Variants in ZNF541 observed in about 807,000 individuals in gnomAD.
The protein encoded by ZNF541 is zinc finger protein 541.
A neutral mutation model predicts 123.5 loss-of-function variants in ZNF541; 23 were observed. The observed-to-expected ratio is 0.19, with a 90% CI of 0.13 to 0.26. The LOEUF is 0.26. Ranked by LOEUF, ZNF541 falls within the 10% of genes least tolerant of loss-of-function variation. The pLI is 1.00. For missense variants in ZNF541, 1,612 were observed against 1,789.9 expected, an observed-to-expected ratio of 0.90 and a Z score of 1.79; for synonymous variants, 751 against 754.5, an observed-to-expected ratio of 1.00 and a Z score of 0.08.
rs536342140 is a variant in ZNF541, at chr19:47,529,182, C to T, written c.3482-144G>A. On this transcript the variant is annotated intron_variant, in intron 13 of 16. Coordinates refer to ENST00000391901, the MANE Select transcript of ZNF541 (RefSeq NM_001277075.3). ...ATCTCATAAAAAACTCAAAAAGTCT[C>T]CAGAAGGGAGGGACCACTACTAGCC... 41 of 661,992 alleles carry T rather than the reference C, an allele frequency of 6.2e-5. No homozygotes were observed. The East Asian group carries it at 1.1e-3, about 18-fold the overall frequency. 41.0% of individuals were successfully genotyped at this position (661,992 alleles called of 1,614,324 possible).
At chr19:47,529,415 G>A (rs1342981688) in intron 13 of ZNF541, among the ~76,000 whole-genome samples, 162 bp downstream of exon 13, 2 of 152,206 alleles carry the variant, frequency 1.3e-5, no homozygotes, top group East Asian at 1.9e-4. Flanking sequence ...CTAGCAGAAT[G>A]TGGCGCCCAC....
Position 47,539,711 on chromosome 19 carries a change from CATGCTCCCT to C in ZNF541, c.2781_2789del (p.Ile927_Ser929del). 1 of 1,418,968 alleles carries C rather than the reference CATGCTCCCT, an allele frequency of 7.0e-7. No individual in the cohort carries two copies. The highest frequency in any genetic ancestry group is 9.2e-7 in the Non-Finnish European group (1 of 1,089,078). The allele number at this position is 1,418,968 out of a possible 1,614,324, so 87.9% of individuals were successfully genotyped here. On this transcript the variant is annotated inframe_deletion, in exon 8 of 17. Coordinates refer to ENST00000391901, the MANE Select transcript of ZNF541 (RefSeq NM_001277075.3). ...CAGGCCGACAAGCACCCACCATGGCCATGCTCCCTATGTGTCGGGTCACTGGAACCACGG... is the reference window on the plus strand; with the variant it reads ...CAGGCCGACAAGCACCCACCATGGCCATGTGTCGGGTCACTGGAACCACGG...
chr19:47,540,269 G>A lies in ZNF541; in HGVS notation c.2529C>T (p.Cys843=). The A allele has an allele frequency of 6.4e-7, 1 of 1,551,932 alleles. No homozygotes were observed. The highest frequency in any genetic ancestry group is 8.7e-7 in the Non-Finnish European group (1 of 1,147,058). The change falls in exon 7 of 17, where the codon TGC becomes TGT. Residue 843 remains cysteine, a synonymous_variant. Transcript: ENST00000391901. Reference sequence around the variant, plus strand: ...CTTTCTCCGTATAAAACATCTGGCTGCAGTTCTTGCAGACAAAAGTGCTCC... The same window carrying A: ...CTTTCTCCGTATAAAACATCTGGCTACAGTTCTTGCAGACAAAAGTGCTCC... The part of the protein sequence containing the change: ...KPRSTFVCKN[C]SQMFYTEKGL...
intron 14 of ZNF541, among the ~76,000 whole-genome samples, chr19:47,527,387 G>C (rs561840247): frequency 7.9e-5 from 12 of 152,042 alleles, no homozygotes; most frequent in Non-Finnish European, 1.6e-4. Flanking sequence ...TATGCAGTGA[G>C]ATCTCATCCT....
chr19:47,545,117 G>C lies in ZNF541; in HGVS notation c.1412C>G (p.Ala471Gly), dbSNP rs1018408748. 3 of 1,483,088 alleles carry C rather than the reference G, an allele frequency of 2.0e-6. No homozygotes were observed. The highest frequency in any genetic ancestry group is 2.7e-6 in the Non-Finnish European group (3 of 1,119,016). The allele number at this position is 1,483,088 out of a possible 1,614,324, so 91.9% of individuals were successfully genotyped here. A position where few individuals can be genotyped will look rare whatever the true frequency, so the allele number is the denominator to read the frequency against. The change falls in exon 5 of 17, where the codon GCT becomes GGT. Residue 471 changes from alanine to glycine, a missense_variant. Around this residue, in one of 5 missense-constraint regions of ZNF541, gnomAD observed 1,080 missense variants for 1,013.8 expected, o/e 1.07. Coordinates refer to ENST00000391901, the MANE Select transcript of ZNF541 (RefSeq NM_001277075.3). This position sits in a 1 kb window ranked among gnomAD's most constrained non-coding sequence, Gnocchi z 7.5. The part of the protein sequence containing the change: ...PPGPGGGLED[A>G]LPFPAALLRV... Reference sequence around the variant, plus strand: ...GAGGAGCGCGGCAGGGAAGGGCAGAGCATCCTCCAGGCCACCGCCGGGGCC... The same window carrying C: ...GAGGAGCGCGGCAGGGAAGGGCAGACCATCCTCCAGGCCACCGCCGGGGCC...
chr19:47,570,106 G>A (rs1053069557), intron 2 of ZNF541, among the ~76,000 whole-genome samples: 13 of 150,352 alleles, frequency 8.6e-5, no homozygotes, highest in African/African-American at 2.7e-4. Context: ...AATCCTGTCT[G>A]TACTAAAAAT....
At position 47,544,547 on chromosome 19, in the gene ZNF541, G is replaced by A. The variant is rs1600008710; in HGVS notation, c.1982C>T (p.Ala661Val). Residue 661 changes from alanine (A) to valine (V), a missense_variant, in exon 5 of 17, where the codon GCA becomes GTA. Physicochemically the swap from Ala to Val is moderately conservative, Grantham distance 64. Coordinates refer to ENST00000391901, the MANE Select transcript of ZNF541 (RefSeq NM_001277075.3). ...LKVAAVPTPL[A>V]APSLDPSRNP... is the part of the protein sequence containing the mutation. ...CCTGGAAGGGTCCAGAGACGGTGCTGCAAGGGGCGTTGGAACCGCGGCCAC... is the reference window on the plus strand; with the variant it reads ...CCTGGAAGGGTCCAGAGACGGTGCTACAAGGGGCGTTGGAACCGCGGCCAC... 1 of 1,551,664 alleles carries A rather than the reference G, an allele frequency of 6.4e-7. No individual in the cohort carries two copies. The highest frequency in any genetic ancestry group is 1.7e-4 in the Middle Eastern group (1 of 5,992).
chr19:47,522,303 A>G (rs1969073735), intron 14 of ZNF541, among the ~76,000 whole-genome samples: 1 of 152,194 alleles, frequency 6.6e-6, no homozygotes, highest in South Asian at 2.1e-4. Flanking sequence ...CTGTGACATC[A>G]TGCTAATAAA....
intron 14 of ZNF541, among the ~76,000 whole-genome samples, chr19:47,524,251 G>A (rs1256733160): frequency 6.6e-5 from 10 of 152,330 alleles, no homozygotes; most frequent in Middle Eastern, 3.4e-3. Flanking sequence ...CACAATGCCC[G>A]TGATCTGGTG....
chr19:47,544,116 G>C lies in ZNF541; in HGVS notation c.2403+10C>G. 1 of 1,539,530 alleles carries C rather than the reference G, an allele frequency of 6.5e-7. No individual in the cohort carries two copies. Among genetic ancestry groups the C allele is most frequent in the Non-Finnish European group, 8.8e-7 (1 of 1,139,426 alleles). On this transcript the variant is annotated intron_variant, in intron 5 of 16. Transcript: ENST00000391901. The stretch of plus-strand genomic sequence containing the variant: ...CACTCTGGTCAGGCCACGTGAGAGA[G>C]AGCTGGTACCTGGATTCTGCTGAAT...
At chr19:47,529,166 A>G (rs908224888) in intron 13 of ZNF541, 128 bp from the exon 14 acceptor site, 68 of 710,528 alleles carry the variant, frequency 9.6e-5, no homozygotes, top group Non-Finnish European at 1.5e-4. Context: ...AATCTCATAA[A>G]AAACTCAAAA....
chr19:47,522,913 A>C (rs1030783270), intron 14 of ZNF541, among the ~76,000 whole-genome samples: 1 of 148,982 alleles, frequency 6.7e-6, no homozygotes, highest in Admixed American at 6.7e-5. Context: ...TGCCCACCTA[A>C]TTTTTGTATC....
chr19:47,548,368 G>A (rs1970449078), intron 4 of ZNF541, among the ~76,000 whole-genome samples: 1 of 149,902 alleles, frequency 6.7e-6, no homozygotes, highest in African/African-American at 2.5e-5. Context: ...GCTTGAACCT[G>A]GGAGGTGAAG....
chr19:47,570,904 C>T (rs1441620568), intron 2 of ZNF541, among the ~76,000 whole-genome samples: 2 of 148,658 alleles, frequency 1.3e-5, no homozygotes, highest in East Asian at 4.1e-4. Context: ...GCCGAGATCG[C>T]ACCACTGCAC....
Position 47,545,831 on chromosome 19 carries a change from T to G in ZNF541, c.698A>C (p.Glu233Ala), listed in dbSNP as rs1192911410. 6 of 1,548,274 alleles carry G rather than the reference T, an allele frequency of 3.9e-6. No individual in the cohort carries two copies. The highest frequency in any genetic ancestry group is 5.2e-6 in the Non-Finnish European group (6 of 1,146,054). ...LCILKEAPPE[E>A]EACGDSPHAH... The stretch of plus-strand genomic sequence containing the variant: ...GTGGGGGGAGTCCCCGCAGGCCTCT[T>G]CCTCCGGGGGGGCTTCCTTCAGGAT... Residue 233 changes from glutamate (E) to alanine (A), a missense_variant, in exon 5 of 17, where the codon GAA becomes GCA. Physicochemically the swap from Glu to Ala is moderately radical, Grantham distance 107. Around this residue, in one of 5 missense-constraint regions of ZNF541, gnomAD observed 1,080 missense variants for 1,013.8 expected, o/e 1.07. Coordinates refer to ENST00000391901, the MANE Select transcript of ZNF541 (RefSeq NM_001277075.3). The surrounding 1 kb of genome is among the most constrained non-coding windows in gnomAD (Gnocchi z 7.5).
At chr19:47,524,193 G>T (rs146017966) in intron 14 of ZNF541, among the ~76,000 whole-genome samples, 1 of 152,254 alleles carries the variant, frequency 6.6e-6, no homozygotes, top group East Asian at 1.9e-4. Context: ...CAAAACTCAA[G>T]AATATTTACA....
chr19:47,568,796 C>T (rs928433093), intron 2 of ZNF541, among the ~76,000 whole-genome samples: 1 of 152,088 alleles, frequency 6.6e-6, no homozygotes, highest in Non-Finnish European at 1.5e-5. Context: ...CTCAACCTTC[C>T]GAGTAGCTGG....
intron 3 of ZNF541, among the ~76,000 whole-genome samples, chr19:47,552,765 A>C (rs1256003953): frequency 6.8e-6 from 1 of 147,046 alleles, no homozygotes; most frequent in African/African-American, 2.6e-5. Context: ...AAAAAAAAAA[A>C]AAAAAAGCCT....
At position 47,531,756 on chromosome 19, in the gene ZNF541, G is replaced by A; in HGVS notation, c.3302-11C>T. On this transcript the variant is annotated splice_polypyrimidine_tract_variant and intron_variant, in intron 11 of 16. Coordinates refer to ENST00000391901, the MANE Select transcript of ZNF541 (RefSeq NM_001277075.3). ...TGCAGAGCTCGGTCACTGTTTCCAAGAAGGACATGAGGAAGAGGAGGCACA... is the reference window on the plus strand; with the variant it reads ...TGCAGAGCTCGGTCACTGTTTCCAAAAAGGACATGAGGAAGAGGAGGCACA... 1 of 1,539,182 alleles carries A rather than the reference G, an allele frequency of 6.5e-7. No homozygotes were observed. Among genetic ancestry groups the A allele is most frequent in the South Asian group, 1.2e-5 (1 of 83,358 alleles).
Sources: allele counts gnomAD v4.1 joint callset (sites outside exome capture counted in the v4.1 genomes callset), GRCh38; gene constraint gnomAD v4.1.1; regional missense constraint gnomAD v4.1.1; non-coding constraint Gnocchi (gnomAD v3.1); transcripts MANE v1.5; gene names NCBI Gene and HGNC (gene_info 2026-07-23, HGNC 2026-07-21).